Variants in BRAT1 observed in about 807,000 individuals in gnomAD.
BRAT1 encodes the protein integrator complex assembly factor BRAT1.
Under a neutral mutation model 70.6 loss-of-function variants are expected in BRAT1, and 74 were observed. The ratio of observed to expected loss-of-function variants is 1.05; its 90% CI spans 0.87 to 1.27. The LOEUF (loss-of-function observed/expected upper bound fraction) is 1.27. Among genes scored for constraint, BRAT1 ranks in the 50% most tolerant of loss-of-function variants. BRAT1 has a pLI of 0.00. For synonymous variants in BRAT1, 615 were observed against 517.1 expected (o/e 1.19, Z -2.57); for missense variants, 1,203 against 1,098.2 (o/e 1.10, Z -1.35).
intron 2 of BRAT1, among the ~76,000 whole-genome samples, chr7:2,549,474 G>C (rs1418780400): frequency 3.3e-5 from 5 of 151,018 alleles, no homozygotes; most frequent in African/African-American, 4.9e-5. Context: ...TGTCTAAAAA[G>C]AAGAACATAA....
chr7:2,549,679 G>T (rs548227754), intron 2 of BRAT1, among the ~76,000 whole-genome samples: 6 of 151,660 alleles, frequency 4.0e-5, no homozygotes, highest in Non-Finnish European at 7.4e-5. Context: ...TTAAAAGAAA[G>T]AGTTGCTGAG....
rs959097537 is a variant in BRAT1 at position 2,537,978 on chromosome 7, G to C, written c.*91C>G. 1.3e-5 allele frequency: 18 copies of C among 1,431,746 alleles called. No homozygotes were observed. The Admixed American group carries it at 4.4e-4, about 35-fold the overall frequency. 88.7% of individuals were successfully genotyped at this position (1,431,746 alleles called of 1,614,324 possible). A position where few individuals can be genotyped will look rare whatever the true frequency, so the allele number is the denominator to read the frequency against. On this transcript the variant is annotated 3_prime_UTR_variant, in exon 14 of 14. Transcript: ENST00000340611. Reference sequence around the variant, plus strand: ...GCTTCCCCAGAGGATCCACCGGGCTGGGCTGGAGCCCTGGGGCTGGCAGTG... The same window carrying C: ...GCTTCCCCAGAGGATCCACCGGGCTCGGCTGGAGCCCTGGGGCTGGCAGTG...
Sources: allele counts gnomAD v4.1 joint callset (sites outside exome capture counted in the v4.1 genomes callset), GRCh38; gene constraint gnomAD v4.1.1; transcripts MANE v1.5; gene names NCBI Gene and HGNC (gene_info 2026-07-23, HGNC 2026-07-21).